The following SLC6A11 variants were observed in gnomAD, a reference collection of about 807,000 sequenced individuals.
SLC6A11 encodes solute carrier family 6 member 11, also known as sodium- and chloride-dependent GABA transporter 3.
SLC6A11 carries 25 observed loss-of-function variants against 74.8 expected under a neutral mutation model. That is an observed-to-expected ratio of 0.33 (90% confidence interval 0.24 to 0.47). The LOEUF (loss-of-function observed/expected upper bound fraction) is 0.47. Among genes scored for constraint, SLC6A11 ranks in the 20% least tolerant of loss-of-function variants. The pLI is 1.00. For missense variants in SLC6A11, 574 were observed against 837.0 expected, an observed-to-expected ratio of 0.69 and a Z score of 3.88; for synonymous variants, 330 against 330.2, an observed-to-expected ratio of 1.00 and a Z score of 0.01.
intron 6 of SLC6A11, among the ~76,000 whole-genome samples, chr3:10,907,907 G>T (rs955780262): frequency 6.6e-6 from 1 of 152,322 alleles, no homozygotes; most frequent in Middle Eastern, 3.4e-3. Context: ...GACTGGAAAG[G>T]TATTAACATA....
intron 5 of SLC6A11, among the ~76,000 whole-genome samples, chr3:10,873,444 C>CCTATG (rs1694856411): frequency 2.0e-5 from 3 of 146,922 alleles, no homozygotes; most frequent in African/African-American, 5.2e-5. Context: ...CCTATCCTAT[C>CCTATG]CTATCCTATG....
Position 10,918,293 on chromosome 3 carries a change from G to T in SLC6A11, c.996-36G>T, listed in dbSNP as rs778973098. 1.0e-5 allele frequency: 16 copies of T among 1,546,440 alleles called. No individual in the cohort carries two copies. The highest frequency in any genetic ancestry group is 1.3e-5 in the Non-Finnish European group (15 of 1,148,140). On this transcript the variant is annotated intron_variant, in intron 7 of 13. Coordinates refer to ENST00000254488, the MANE Select transcript of SLC6A11 (RefSeq NM_014229.3). The surrounding 1 kb of genome is among the most constrained non-coding windows in gnomAD (Gnocchi z 4.5). Reference sequence around the variant, plus strand: ...TTTGAGCCGTGCACCGGTTCTGCCCGCTCTGACCCTAGTGCCTCTCGCTGC... The same window carrying T: ...TTTGAGCCGTGCACCGGTTCTGCCCTCTCTGACCCTAGTGCCTCTCGCTGC...
At chr3:10,839,474 C>G (rs3774125) in intron 4 of SLC6A11, among the ~76,000 whole-genome samples, 9,491 of 152,236 alleles carry the variant, frequency 0.062, 433 homozygotes, top group South Asian at 0.13. Flanking sequence ...AGATGCCCCT[C>G]CCTCTGCCTT....
intron 6 of SLC6A11, among the ~76,000 whole-genome samples, chr3:10,892,476 G>A (rs894404781): frequency 2.6e-5 from 4 of 151,960 alleles, no homozygotes; most frequent in African/African-American, 9.7e-5. Context: ...AGGAAACCCA[G>A]CTCCACCACC....
intron 1 of SLC6A11, among the ~76,000 whole-genome samples, chr3:10,818,060 T>C (rs1215973698): frequency 6.9e-6 from 1 of 145,918 alleles, no homozygotes; most frequent in African/African-American, 2.5e-5. Context: ...TTACAAATTC[T>C]GTCACAGATT....
chr3:10,851,780 G>A (rs945553979), intron 5 of SLC6A11, among the ~76,000 whole-genome samples: 5 of 152,260 alleles, frequency 3.3e-5, no homozygotes, highest in African/African-American at 1.2e-4. Context: ...AGCTGGGAGG[G>A]GCCCTTGGCC....
Position 10,918,323 on chromosome 3 carries a change from C to T in SLC6A11, c.996-6C>T. 1.3e-6 allele frequency: 2 copies of T among 1,582,876 alleles called. No individual in the cohort carries two copies. The highest frequency in any genetic ancestry group is 2.4e-5 in the East Asian group (1 of 42,234). ...GACCCTAGTGCCTCTCGCTGCTTCC[C>T]CACAGGGACTGCATCATGCTCTGTT... On this transcript the variant is annotated splice_polypyrimidine_tract_variant and splice_region_variant and intron_variant, in intron 7 of 13. Transcript: ENST00000254488. This position sits in a 1 kb window ranked among gnomAD's most constrained non-coding sequence, Gnocchi z 4.5.
At chr3:10,916,872 C>T (rs1052156905) in intron 7 of SLC6A11, among the ~76,000 whole-genome samples, 3 of 152,316 alleles carry the variant, frequency 2.0e-5, no homozygotes, top group Admixed American at 6.5e-5. Flanking sequence ...CCAAGGCTCT[C>T]GACCACCAGT....
intron 6 of SLC6A11, among the ~76,000 whole-genome samples, chr3:10,900,936 G>T (rs531048584): frequency 6.6e-6 from 1 of 152,304 alleles, no homozygotes. Context: ...TTAGAAACAA[G>T]TGGGGGCATA....
intron 9 of SLC6A11, among the ~76,000 whole-genome samples, chr3:10,928,163 T>G (rs886437650): frequency 3.3e-5 from 5 of 152,212 alleles, no homozygotes; most frequent in African/African-American, 9.6e-5. Flanking sequence ...GCAGGTATGA[T>G]ATGTTTGCTA....
At chr3:10,881,793 G>A (rs1026009232) in intron 6 of SLC6A11, among the ~76,000 whole-genome samples, 34 of 152,150 alleles carry the variant, frequency 2.2e-4, no homozygotes, top group African/African-American at 7.5e-4. Flanking sequence ...CCACCAGAGC[G>A]ATGAGGAGCC....
intron 6 of SLC6A11, among the ~76,000 whole-genome samples, 158 bp downstream of exon 6, chr3:10,875,253 G>A (rs751842289): frequency 2.6e-5 from 4 of 152,174 alleles, no homozygotes; most frequent in Admixed American, 6.5e-5. Flanking sequence ...AATTTAATAC[G>A]TAGGAAATCA....
At chr3:10,906,912 C>T (rs763405775) in intron 6 of SLC6A11, among the ~76,000 whole-genome samples, 1 of 152,210 alleles carries the variant, frequency 6.6e-6, no homozygotes, top group Non-Finnish European at 1.5e-5. Flanking sequence ...TCCTGGACCA[C>T]TCTCATTCCT....
At chr3:10,890,855 G>C (rs866995272) in intron 6 of SLC6A11, among the ~76,000 whole-genome samples, 5 of 152,208 alleles carry the variant, frequency 3.3e-5, no homozygotes, top group Non-Finnish European at 7.3e-5. Context: ...CACTTGAGTG[G>C]TAGTTTAGCT....
At chr3:10,857,457 A>G (rs765795014) in intron 5 of SLC6A11, among the ~76,000 whole-genome samples, 11 of 152,100 alleles carry the variant, frequency 7.2e-5, no homozygotes, top group Non-Finnish European at 1.6e-4. Context: ...CAGGCCTCAC[A>G]TTGTGCTCTG....
chr3:10,862,526 T>G (rs1694714210), intron 5 of SLC6A11, among the ~76,000 whole-genome samples: 1 of 152,242 alleles, frequency 6.6e-6, no homozygotes. Flanking sequence ...GGTTGCTATT[T>G]AAGTATCTTG....
At chr3:10,822,247 G>A (rs1694148104) in intron 3 of SLC6A11, among the ~76,000 whole-genome samples, 1 of 152,216 alleles carries the variant, frequency 6.6e-6, no homozygotes, top group East Asian at 1.9e-4. Flanking sequence ...GCTCCGTGCT[G>A]GCCATGGTGC....
At chr3:10,938,162 G>A in intron 13 of SLC6A11, 88 bp from the exon 14 acceptor site, 1 of 1,291,244 alleles carries the variant, frequency 7.7e-7, no homozygotes, top group Non-Finnish European at 1.1e-6. Flanking sequence ...GCACCCAGAT[G>A]TCCGCCGTGT....
chr3:10,866,380 G>A (rs1694762914), intron 5 of SLC6A11, among the ~76,000 whole-genome samples: 1 of 152,158 alleles, frequency 6.6e-6, no homozygotes. Flanking sequence ...GAAAATGAGG[G>A]GTTTTGTTAC....
Sources: allele counts gnomAD v4.1 joint callset (sites outside exome capture counted in the v4.1 genomes callset), GRCh38; gene constraint gnomAD v4.1.1; non-coding constraint Gnocchi (gnomAD v3.1); transcripts MANE v1.5; gene names NCBI Gene and HGNC (gene_info 2026-07-23, HGNC 2026-07-21).